Variants in STK33 observed in about 807,000 individuals in gnomAD.
STK33 encodes serine/threonine-protein kinase 33.
In STK33, 52 loss-of-function variants were observed where a neutral mutation model predicts 58.0. The observed-to-expected ratio is 0.90, with a 90% CI of 0.72 to 1.13. STK33 has a LOEUF of 1.13. Ranked by LOEUF, STK33 falls within the 50% of genes most tolerant of loss-of-function variation. The pLI is 0.00. For synonymous variants in STK33, 215 were observed against 200.1 expected, an observed-to-expected ratio of 1.07 and a Z score of -0.63; for missense variants, 630 against 604.2, an observed-to-expected ratio of 1.04 and a Z score of -0.45.
chr11:8,382,946 G>A, the STK33 span, among the ~76,000 whole-genome samples: 2 of 152,170 alleles, frequency 1.3e-5, no homozygotes, highest in African/African-American at 4.8e-5. Context: ...CTCTTTAGCA[G>A]TCACTGAAAG....
intron 1 of STK33, among the ~76,000 whole-genome samples, chr11:8,528,243 T>C (rs1954222665): frequency 6.6e-6 from 1 of 152,236 alleles, no homozygotes; most frequent in Non-Finnish European, 1.5e-5. Context: ...TTTCTTTCCT[T>C]TCCTATAGTT....
chr11:8,473,014 T>C (rs1948924631), intron 6 of STK33, 149 bp downstream of exon 6: 2 of 541,218 alleles, frequency 3.7e-6, no homozygotes, highest in East Asian at 5.8e-5. Flanking sequence ...TTTTCTTTAG[T>C]AAAAATGTTA....
At chr11:8,437,284 C>G (rs1437102324) in intron 12 of STK33, among the ~76,000 whole-genome samples, 1 of 152,162 alleles carries the variant, frequency 6.6e-6, no homozygotes, top group African/African-American at 2.4e-5. Flanking sequence ...GCCTGTAAAG[C>G]TATTACTTCA....
the STK33 span, among the ~76,000 whole-genome samples, chr11:8,362,922 C>T: frequency 4.7e-5 from 6 of 128,720 alleles, no homozygotes; most frequent in South Asian, 4.5e-4. Context: ...TCCTTCCTCC[C>T]TCCTTTCCTT....
intron 9 of STK33, among the ~76,000 whole-genome samples, chr11:8,455,913 C>T (rs1046863987): frequency 5.9e-5 from 9 of 151,398 alleles, no homozygotes; most frequent in Admixed American, 2.0e-4. Flanking sequence ...TTATAGCTCC[C>T]TTACACAATC....
At chr11:8,353,723 G>A in the STK33 span, among the ~76,000 whole-genome samples, 1 of 152,144 alleles carries the variant, frequency 6.6e-6, no homozygotes. Flanking sequence ...GGGGGAGTGT[G>A]GGGTGCCTTT....
At chr11:8,393,108 G>A (rs963738342) in intron 15 of STK33, among the ~76,000 whole-genome samples, 1 of 152,166 alleles carries the variant, frequency 6.6e-6, no homozygotes, top group Non-Finnish European at 1.5e-5. Context: ...TTTCTAATCT[G>A]TGTATGAAGT....
At chr11:8,407,416 T>C (rs921016960) in intron 15 of STK33, among the ~76,000 whole-genome samples, 12 of 152,162 alleles carry the variant, frequency 7.9e-5, no homozygotes, top group African/African-American at 2.9e-4. Context: ...TTTTCTCTTA[T>C]TTCTTCTTCA....
At chr11:8,503,847 T>C (rs1951687289) in intron 1 of STK33, among the ~76,000 whole-genome samples, 1 of 152,176 alleles carries the variant, frequency 6.6e-6, no homozygotes, top group Admixed American at 6.5e-5. Context: ...CCAATCTCCT[T>C]ATCTATATAA....
At chr11:8,400,318 C>T (rs540255543) in intron 15 of STK33, among the ~76,000 whole-genome samples, 227 of 152,242 alleles carry the variant, frequency 1.5e-3, no homozygotes, top group African/African-American at 5.0e-3. Flanking sequence ...GTTCAACATA[C>T]GCAAATCAAT....
the STK33 span, among the ~76,000 whole-genome samples, chr11:8,386,105 C>T: frequency 6.6e-6 from 1 of 152,212 alleles, no homozygotes; most frequent in Non-Finnish European, 1.5e-5. Flanking sequence ...TTTTGTACAA[C>T]TCTGTCCATG....
chr11:8,415,937 T>A (rs58937641), intron 14 of STK33, among the ~76,000 whole-genome samples: 1 of 152,292 alleles, frequency 6.6e-6, no homozygotes, highest in African/African-American at 2.4e-5. Flanking sequence ...TATAACTGCA[T>A]AAAGTTCAAA....
At chr11:8,539,158 AAAC>A (rs1955296668) in intron 1 of STK33, among the ~76,000 whole-genome samples, 2 of 152,234 alleles carry the variant, frequency 1.3e-5, no homozygotes, top group African/African-American at 4.8e-5. Flanking sequence ...GGAGAAAAAA[AAAC>A]AATAATGACT....
At chr11:8,397,751 C>T (rs1031635030) in intron 15 of STK33, among the ~76,000 whole-genome samples, 11 of 151,994 alleles carry the variant, frequency 7.2e-5, no homozygotes, top group African/African-American at 2.7e-4. Context: ...ATAACCAATG[C>T]ACAGAAGTCG....
the STK33 span, among the ~76,000 whole-genome samples, chr11:8,374,498 C>T: frequency 6.6e-6 from 1 of 152,276 alleles, no homozygotes; most frequent in African/African-American, 2.4e-5. Flanking sequence ...TTGCAGATGG[C>T]CACCTTCTCA....
At chr11:8,354,474 T>TCACACACACACACACACACACA in the STK33 span, among the ~76,000 whole-genome samples, 1,178 of 124,660 alleles carry the variant, frequency 9.4e-3, 16 homozygotes, top group East Asian at 0.015. Context: ...CTGCAAAACC[T>TCACACACACACACACACACACA]CACACACACA....
chr11:8,517,053 C>G (rs1163944130), intron 1 of STK33, among the ~76,000 whole-genome samples: 2 of 152,196 alleles, frequency 1.3e-5, no homozygotes, highest in Non-Finnish European at 2.9e-5. Context: ...TCCCTGACCC[C>G]TGAGTAGCCT....
the STK33 span, among the ~76,000 whole-genome samples, chr11:8,349,036 G>A: frequency 4.6e-5 from 7 of 152,202 alleles, no homozygotes; most frequent in Non-Finnish European, 1.0e-4. Flanking sequence ...GTGCCCAGCT[G>A]TGGAGCACCC....
rs1174756425 is a variant in STK33 at position 8,566,479 on chromosome 11, T to C, written c.-466+27604A>G. Reference sequence around the variant, plus strand: ...AATCTGAAGTACTAGTAACACAAAATTGGTCTAATGTTTAATGTGTGGTTC... The same window carrying C: ...AATCTGAAGTACTAGTAACACAAAACTGGTCTAATGTTTAATGTGTGGTTC... On this transcript the variant is annotated intron_variant, in intron 1 of 15. Transcript: ENST00000687296. Among the ~76,000 whole-genome samples the C allele has an allele frequency of 2.0e-5, 3 of 152,188 alleles. No individual in the cohort carries two copies. The East Asian group carries it at 5.8e-4, about 29-fold the overall frequency.
Sources: gnomAD v4.1 joint callset for allele counts (sites outside exome capture counted in the v4.1 genomes callset) on GRCh38, gnomAD v4.1.1 for gene constraint, MANE v1.5 for transcripts, NCBI Gene and HGNC (gene_info 2026-07-23, HGNC 2026-07-21) for gene names.